Variants in MFSD1 observed in about 807,000 individuals in gnomAD.
MFSD1 encodes lysosomal dipeptide transporter MFSD1.
A neutral mutation model predicts 67.1 loss-of-function variants in MFSD1; 59 were observed. The ratio of observed to expected loss-of-function variants is 0.88; its 90% CI spans 0.71 to 1.09. The LOEUF is 1.09. MFSD1 is among the 50% of genes least tolerant of loss of function. MFSD1 has a pLI of 0.00. For missense variants in MFSD1, 552 were observed against 566.1 expected (o/e 0.97, Z 0.25); for synonymous variants, 213 against 200.3 (o/e 1.06, Z -0.54).
chr3:158,821,639 A>G lies in MFSD1; in HGVS notation c.906A>G (p.Ala302=), dbSNP rs1730679102. Residue 302 remains alanine (A), a synonymous_variant, in exon 10 of 16, where the codon GCA becomes GCG. Coordinates refer to ENST00000415822, the MANE Select transcript of MFSD1 (RefSeq NM_022736.4). ...AATTTGGATTTTCTTCCCAGGCAGCAAGTGCAATTAACAGGTATTTTAAAA... is the reference window on the plus strand; with the variant it reads ...AATTTGGATTTTCTTCCCAGGCAGCGAGTGCAATTAACAGGTATTTTAAAA... ...TEKFGFSSQA[A]SAINSVVYVI... is the part of the protein sequence containing the mutation. 6.2e-7 allele frequency: 1 copy of G among 1,609,128 alleles called. No homozygotes were observed. The highest frequency in any genetic ancestry group is 8.5e-7 in the Non-Finnish European group (1 of 1,177,144).
chr3:158,817,760 G>A (rs374630111), intron 7 of MFSD1, among the ~76,000 whole-genome samples: 11 of 152,148 alleles, frequency 7.2e-5, no homozygotes, highest in African/African-American at 2.2e-4. Flanking sequence ...TTTAAAGTTC[G>A]TATGGAACGA....
intron 14 of MFSD1, 107 bp downstream of exon 14, chr3:158,826,169 C>A (rs1255133491): frequency 3.9e-6 from 3 of 771,708 alleles, no homozygotes; most frequent in Non-Finnish European, 4.5e-6. Context: ...GCAGTAATGA[C>A]TTTCTGTTCA....
intron 1 of MFSD1, 91 bp from the exon 2 acceptor site, chr3:158,804,228 A>C (rs1227685874): frequency 8.5e-6 from 7 of 825,774 alleles, no homozygotes; most frequent in African/African-American, 1.7e-5. Context: ...CCGTAGTATC[A>C]GCATTTAAAA....
rs890705680 is a variant in MFSD1 at position 158,825,784 on chromosome 3, A to G, written c.1289-231A>G. Among the ~76,000 whole-genome samples the G allele has an allele frequency of 3.9e-5, 6 of 152,182 alleles. No homozygotes were observed. The East Asian group carries it at 1.2e-3, about 29-fold the overall frequency. On this transcript the variant is annotated intron_variant, in intron 13 of 15. Coordinates refer to ENST00000415822, the MANE Select transcript of MFSD1 (RefSeq NM_022736.4). ...GGCTCCCTTTTTTCTAGGGGCCTCA[A>G]CTTCTTTGTTTCTGGCCTGCCACCC...
At position 158,809,243 on chromosome 3, in the gene MFSD1, G is replaced by T. The variant is rs367562194; in HGVS notation, c.505G>T (p.Glu169Ter). The change falls in exon 6 of 16, where the codon GAA becomes TAA. Residue 169 changes from glutamate (E) to a stop codon, truncating the protein, a stop_gained. Coordinates refer to ENST00000415822, the MANE Select transcript of MFSD1 (RefSeq NM_022736.4). LOFTEE classifies it high-confidence loss of function. ...TGCTGTGAGCTGGTTTAAAGGCAAA[G>T]AATTAAACCTGGTGTTTGGACTTCA... ...TYAVSWFKGK[E>*]LNLVFGLQLS... 3 of 1,610,218 alleles carry T rather than the reference G, an allele frequency of 1.9e-6. No homozygotes were observed. The highest frequency in any genetic ancestry group is 2.5e-6 in the Non-Finnish European group (3 of 1,178,632).
rs544714122 is a variant in MFSD1 at position 158,803,955 on chromosome 3, A to G, written c.164-364A>G. On this transcript the variant is annotated intron_variant, in intron 1 of 15. Transcript: ENST00000415822. ...ATTATTAGGAAACTGATGAGGTTGTAAAGTTTTTAGTGTATGTGTGTTTGT... is the reference window on the plus strand; with the variant it reads ...ATTATTAGGAAACTGATGAGGTTGTGAAGTTTTTAGTGTATGTGTGTTTGT... Among the ~76,000 whole-genome samples the G allele has an allele frequency of 3.3e-5, 5 of 152,340 alleles. No individual in the cohort carries two copies. The East Asian group carries it at 9.6e-4, about 29-fold the overall frequency.
chr3:158,821,800 G>A, intron 10 of MFSD1, 147 bp downstream of exon 10: 1 of 940,494 alleles, frequency 1.1e-6, no homozygotes, highest in Non-Finnish European at 1.6e-6. Flanking sequence ...AATCCTGAGT[G>A]GCTGTGTTTA....
At chr3:158,823,384 TG>T (rs1414485577) in intron 11 of MFSD1, 43 bp from the exon 12 acceptor site, 8 of 1,302,638 alleles carry the variant, frequency 6.1e-6, no homozygotes, top group Non-Finnish European at 7.8e-6. Flanking sequence ...AATCACCTTT[TG>T]GTTAATGTAA....
Position 158,815,169 on chromosome 3 carries a change from A to C in MFSD1, c.652+1102A>C, listed in dbSNP as rs1321873790. On this transcript the variant is annotated intron_variant, in intron 7 of 15. Transcript: ENST00000415822. ...GAGAATTGCTTCCTTTTAATCAAAT[A>C]CTGACTTTTTCCGTCAGTGTGCCTG... is the stretch of plus-strand genomic sequence containing the variant. Among the ~76,000 whole-genome samples the C allele has an allele frequency of 2.0e-5, 3 of 152,274 alleles. No individual in the cohort carries two copies. In the East Asian group the frequency reaches 5.8e-4, roughly 29 times the overall value.
Position 158,824,252 on chromosome 3 carries a change from G to A in MFSD1, c.1288+16G>A. ...TGTGTTTCTTGTGAGTATTCCGTAT[G>A]ACAACATTTTGTTTCTTTTACTACA... On this transcript the variant is annotated intron_variant, in intron 13 of 15. Transcript: ENST00000415822. 6.5e-7 allele frequency: 1 copy of A among 1,541,680 alleles called. No homozygotes were observed. The highest frequency in any genetic ancestry group is 8.9e-7 in the Non-Finnish European group (1 of 1,121,416).
chr3:158,821,302 A>G (rs1036359458), intron 9 of MFSD1, among the ~76,000 whole-genome samples: 1 of 152,252 alleles, frequency 6.6e-6, no homozygotes, highest in Admixed American at 6.5e-5. Flanking sequence ...GCTTTTAAGG[A>G]AAAGAAGCAG....
chr3:158,802,190 C>A lies in MFSD1; in HGVS notation c.38C>A (p.Ala13Glu). 6.2e-7 allele frequency: 1 copy of A among 1,611,564 alleles called. No individual in the cohort carries two copies. Among genetic ancestry groups the A allele is most frequent in the Non-Finnish European group, 8.5e-7 (1 of 1,179,326 alleles). The change falls in exon 1 of 16, where the codon GCA becomes GAA. Residue 13 changes from alanine (A) to glutamate (E), a missense_variant. Transcript: ENST00000415822. ...EEDEEARALL[A>E]GGPDEADRGA... is the part of the protein sequence containing the mutation. The stretch of plus-strand genomic sequence containing the variant: ...GATGAGGAAGCGCGGGCGCTCCTGG[C>A]AGGCGGCCCTGACGAGGCCGACAGA...
chr3:158,804,267 A>G, intron 1 of MFSD1, 52 bp from the exon 2 acceptor site: 1 of 1,382,506 alleles, frequency 7.2e-7, no homozygotes, highest in Non-Finnish European at 1.0e-6. Flanking sequence ...CTGCAACTTG[A>G]AACTTTTATA....
chr3:158,809,340 T>C lies in MFSD1; in HGVS notation c.549+53T>C. ...CCAAATGGAAGCAAAAGATTAAATC[T>C]TATAGTTCTCTTAAAAATCACAGGA... On this transcript the variant is annotated intron_variant, in intron 6 of 15. Coordinates refer to ENST00000415822, the MANE Select transcript of MFSD1 (RefSeq NM_022736.4). 7.8e-6 allele frequency: 9 copies of C among 1,147,176 alleles called. No homozygotes were observed. In the South Asian group the frequency reaches 1.2e-4, roughly 15 times the overall value. The allele number at this position is 1,147,176 out of a possible 1,614,324, so 71.1% of individuals were successfully genotyped here. A position where few individuals can be genotyped will look rare whatever the true frequency, so the allele number is the denominator to read the frequency against.
chr3:158,813,352 T>C (rs1730137762), intron 6 of MFSD1, among the ~76,000 whole-genome samples: 1 of 152,072 alleles, frequency 6.6e-6, no homozygotes, highest in African/African-American at 2.4e-5. Flanking sequence ...TTCACCATGT[T>C]GGCTAGGCTG....
Position 158,809,290 on chromosome 3 carries a change from A to G in MFSD1, c.549+3A>G, listed in dbSNP as rs569353953. On this transcript the variant is annotated splice_donor_region_variant and intron_variant, in intron 6 of 15. Coordinates refer to ENST00000415822, the MANE Select transcript of MFSD1 (RefSeq NM_022736.4). ...TTCAACTTAGCATGGCTAGAATTGT[A>G]AGTATAATGAAAAGCCTGATGAAGC... 7 of 1,576,470 alleles carry G rather than the reference A, an allele frequency of 4.4e-6. No individual in the cohort carries two copies. Among genetic ancestry groups the G allele is most frequent in the Middle Eastern group, 1.8e-4 (1 of 5,714 alleles).
chr3:158,804,893 A>T (rs1189631381), intron 2 of MFSD1, among the ~76,000 whole-genome samples: 1 of 152,126 alleles, frequency 6.6e-6, no homozygotes, highest in Non-Finnish European at 1.5e-5. Flanking sequence ...TAACCTTTGG[A>T]CAGGGAAAAT....
chr3:158,816,956 G>C (rs1730389723), intron 7 of MFSD1, among the ~76,000 whole-genome samples: 1 of 151,982 alleles, frequency 6.6e-6, no homozygotes. Flanking sequence ...AGATCAGATA[G>C]TTGTAGATAT....
intron 5 of MFSD1, among the ~76,000 whole-genome samples, 199 bp downstream of exon 5, chr3:158,807,662 C>CT (rs1447098689): frequency 6.6e-6 from 1 of 152,154 alleles, no homozygotes; most frequent in Non-Finnish European, 1.5e-5. Context: ...CTAATCAACT[C>CT]TGTGTGGGGT....
Sources: gnomAD v4.1 joint callset for allele counts (sites outside exome capture counted in the v4.1 genomes callset) on GRCh38, gnomAD v4.1.1 for gene constraint, MANE v1.5 for transcripts, NCBI Gene and HGNC (gene_info 2026-07-23, HGNC 2026-07-21) for gene names.